CCDC85A: variants seen among roughly 807,000 people sequenced by gnomAD.
CCDC85A encodes the protein coiled-coil domain containing 85A.
In CCDC85A, 38 loss-of-function variants were observed where a neutral mutation model predicts 50.2. The ratio of observed to expected loss-of-function variants is 0.76; its 90% CI spans 0.58 to 0.99. The LOEUF is 0.99. Among genes scored for constraint, CCDC85A ranks in the 50% least tolerant of loss-of-function variants. The probability of loss-of-function intolerance (pLI) is 0.00; values close to 1 mark genes in which losing one functional copy is unlikely to be tolerated. For missense variants in CCDC85A, 820 were observed against 742.0 expected (o/e 1.11, Z -1.22); for synonymous variants, 366 against 301.4 (o/e 1.21, Z -2.22).
chr2:56,233,894 T>C (rs1668884197), intron 2 of CCDC85A, among the ~76,000 whole-genome samples: 1 of 152,178 alleles, frequency 6.6e-6, no homozygotes. Flanking sequence ...TCTGGGTGGA[T>C]AAAAGATGTT....
At chr2:56,224,156 C>T (rs1480021640) in intron 2 of CCDC85A, among the ~76,000 whole-genome samples, 3 of 152,306 alleles carry the variant, frequency 2.0e-5, no homozygotes, top group East Asian at 3.9e-4. Flanking sequence ...AACAACTAGT[C>T]TACTTTCTGT....
intron 3 of CCDC85A, among the ~76,000 whole-genome samples, chr2:56,347,901 G>A (rs1315299408): frequency 6.6e-6 from 1 of 152,148 alleles, no homozygotes; most frequent in East Asian, 1.9e-4. Context: ...TTTATATGCT[G>A]CATGTGCAGT....
intron 2 of CCDC85A, among the ~76,000 whole-genome samples, chr2:56,243,385 C>G (rs992911155): frequency 1.3e-5 from 2 of 151,804 alleles, no homozygotes; most frequent in Non-Finnish European, 2.9e-5. Context: ...CTTGCTAGTT[C>G]TTTCCACTCC....
chr2:56,384,340 C>A lies in CCDC85A; in HGVS notation c.1647C>A (p.Tyr549Ter), dbSNP rs756483395. Residue 549 changes from tyrosine to a stop codon, truncating the protein, a stop_gained, in exon 6 of 6, where the codon TAC (tyrosine) becomes TAA (stop). Coordinates refer to ENST00000407595, the MANE Select transcript of CCDC85A (RefSeq NM_001080433.2). LOFTEE classifies it high-confidence loss of function. ...GGCAACATTTGTCAGGAAACCAGTA[C>A]AAAGGACCAATGTGAGATGCACTCT... Reference protein sequence around the residue: ...GIRQHLSGNQYKGPM With the variant: ...GIRQHLSGNQ 1.2e-6 allele frequency: 2 copies of A among 1,610,906 alleles called. No homozygotes were observed. The highest frequency in any genetic ancestry group is 1.7e-6 in the Non-Finnish European group (2 of 1,177,942).
At chr2:56,213,757 T>C (rs186077233) in intron 2 of CCDC85A, among the ~76,000 whole-genome samples, 21 of 152,154 alleles carry the variant, frequency 1.4e-4, no homozygotes, top group South Asian at 2.1e-4. Flanking sequence ...AAAAATTTGC[T>C]GTTTAAGTGA....
intron 2 of CCDC85A, among the ~76,000 whole-genome samples, chr2:56,315,362 T>C (rs1672875225): frequency 6.6e-6 from 1 of 152,162 alleles, no homozygotes; most frequent in Non-Finnish European, 1.5e-5. Flanking sequence ...GAAGATTTTA[T>C]AAAATAAACT....
At chr2:56,374,777 C>T (rs113331247) in intron 4 of CCDC85A, among the ~76,000 whole-genome samples, 1 of 152,216 alleles carries the variant, frequency 6.6e-6, no homozygotes, top group Non-Finnish European at 1.5e-5. Context: ...CCACTGCACT[C>T]CAGCCTGGGC....
intron 2 of CCDC85A, among the ~76,000 whole-genome samples, chr2:56,276,359 G>A (rs1198380294): frequency 6.6e-6 from 1 of 152,018 alleles, no homozygotes; most frequent in Non-Finnish European, 1.5e-5. Flanking sequence ...TGGTTTTTAT[G>A]CTTTGGTGAG....
intron 2 of CCDC85A, among the ~76,000 whole-genome samples, chr2:56,280,125 C>G (rs1403755855): frequency 6.6e-6 from 1 of 152,188 alleles, no homozygotes; most frequent in East Asian, 1.9e-4. Flanking sequence ...GTGTCTCTCT[C>G]TCTTAGAACC....
chr2:56,275,739 T>C (rs1670904346), intron 2 of CCDC85A, among the ~76,000 whole-genome samples: 1 of 152,202 alleles, frequency 6.6e-6, no homozygotes, highest in South Asian at 2.1e-4. Context: ...ATACTCTTGG[T>C]ATTATTTATC....
intron 3 of CCDC85A, among the ~76,000 whole-genome samples, chr2:56,367,293 T>C (rs916601611): frequency 1.3e-5 from 2 of 152,140 alleles, no homozygotes; most frequent in Non-Finnish European, 2.9e-5. Context: ...TTCTGTTTCT[T>C]TTATTGGAGT....
chr2:56,338,180 A>G (rs1020938066), intron 2 of CCDC85A, among the ~76,000 whole-genome samples: 1 of 152,196 alleles, frequency 6.6e-6, no homozygotes, highest in African/African-American at 2.4e-5. Context: ...TCTAAAAGCC[A>G]AAAATGGCAT....
At chr2:56,251,147 G>A (rs1669736570) in intron 2 of CCDC85A, among the ~76,000 whole-genome samples, 1 of 152,164 alleles carries the variant, frequency 6.6e-6, no homozygotes, top group African/African-American at 2.4e-5. Flanking sequence ...CTGCAACAAT[G>A]TGTTGGTGAA....
chr2:56,372,562 G>C, intron 4 of CCDC85A, 84 bp downstream of exon 4: 6 of 1,347,740 alleles, frequency 4.5e-6, no homozygotes, highest in Non-Finnish European at 5.8e-6. Flanking sequence ...TATACTGGGG[G>C]GTAGAAAACA....
intron 2 of CCDC85A, among the ~76,000 whole-genome samples, chr2:56,282,597 C>T (rs1477899393): frequency 6.6e-6 from 1 of 152,240 alleles, no homozygotes; most frequent in African/African-American, 2.4e-5. Flanking sequence ...GCAACCTCCG[C>T]CTCCCAGGCT....
chr2:56,372,760 A>G (rs1446171645), intron 4 of CCDC85A, among the ~76,000 whole-genome samples: 3 of 152,310 alleles, frequency 2.0e-5, no homozygotes, highest in East Asian at 3.9e-4. Flanking sequence ...AGTTTAGGTC[A>G]GTGGTCTTGA....
chr2:56,327,884 CT>C (rs1158224134), intron 2 of CCDC85A, among the ~76,000 whole-genome samples: 1 of 147,216 alleles, frequency 6.8e-6, no homozygotes, highest in African/African-American at 2.5e-5. Context: ...CTCACTTTGA[CT>C]GCTTAGAAAT....
chr2:56,357,789 A>T (rs1410320246), intron 3 of CCDC85A, among the ~76,000 whole-genome samples: 1 of 151,466 alleles, frequency 6.6e-6, no homozygotes, highest in Non-Finnish European at 1.5e-5. Flanking sequence ...TAACCCTTAC[A>T]GTTGGATCTG....
intron 2 of CCDC85A, among the ~76,000 whole-genome samples, chr2:56,328,395 C>G (rs1418691190): frequency 6.6e-6 from 1 of 152,114 alleles, no homozygotes; most frequent in South Asian, 2.1e-4. Context: ...ATAAAGTGAA[C>G]TGGGGAAGGG....
Sources: gnomAD v4.1 joint callset for allele counts (sites outside exome capture counted in the v4.1 genomes callset) on GRCh38, gnomAD v4.1.1 for gene constraint, MANE v1.5 for transcripts, NCBI Gene and HGNC (gene_info 2026-07-23, HGNC 2026-07-21) for gene names.